ROBO2: variants seen among roughly 807,000 people sequenced by gnomAD.
The protein encoded by ROBO2 is roundabout homolog 2.
Under a neutral mutation model 160.8 loss-of-function variants are expected in ROBO2, and 53 were observed. The ratio of observed to expected loss-of-function variants is 0.33; its 90% CI spans 0.26 to 0.41. ROBO2 has a LOEUF of 0.41. Ranked by LOEUF, ROBO2 falls within the 10% of genes least tolerant of loss-of-function variation. ROBO2 has a pLI of 1.00. For synonymous variants in ROBO2, 664 were observed against 611.7 expected (o/e 1.09, Z -1.26); for missense variants, 1,577 against 1,722.4 (o/e 0.92, Z 1.49).
At chr3:76,537,793 TA>T (rs1293323758) in intron 2 of ROBO2, among the ~76,000 whole-genome samples, 1 of 151,738 alleles carries the variant, frequency 6.6e-6, no homozygotes, top group South Asian at 2.1e-4. Flanking sequence ...CAAAGGGAGA[TA>T]GGGGAGGGGC....
chr3:77,271,819 T>C (rs977234674), intron 2 of ROBO2, among the ~76,000 whole-genome samples: 13 of 152,220 alleles, frequency 8.5e-5, no homozygotes, highest in African/African-American at 3.1e-4. Context: ...TGTAGTTTCA[T>C]CATTTCAAGG....
chr3:76,579,048 T>C (rs2085486936), intron 2 of ROBO2, among the ~76,000 whole-genome samples: 1 of 152,168 alleles, frequency 6.6e-6, no homozygotes, highest in African/African-American at 2.4e-5. Context: ...GCACTATTCT[T>C]CCCACCTTAC....
chr3:75,973,892 G>A (rs1311858722), intron 2 of ROBO2, among the ~76,000 whole-genome samples: 1 of 151,256 alleles, frequency 6.6e-6, no homozygotes, highest in Non-Finnish European at 1.5e-5. Flanking sequence ...CCCAGGGTTA[G>A]AAAAAAATCA....
intron 2 of ROBO2, among the ~76,000 whole-genome samples, chr3:75,942,350 T>C (rs867572807): frequency 6.6e-5 from 10 of 152,250 alleles, no homozygotes; most frequent in African/African-American, 2.4e-4. Flanking sequence ...ATATTGAATG[T>C]GTATTCCAAG....
At chr3:76,855,041 C>A (rs962309052) in intron 2 of ROBO2, among the ~76,000 whole-genome samples, 16 of 152,144 alleles carry the variant, frequency 1.1e-4, no homozygotes, top group African/African-American at 3.4e-4. Flanking sequence ...AGCATTCCAA[C>A]CCTGGTAGTA....
chr3:75,979,435 G>C (rs1055187108), intron 2 of ROBO2, among the ~76,000 whole-genome samples: 2 of 151,494 alleles, frequency 1.3e-5, no homozygotes, highest in African/African-American at 2.4e-5. Flanking sequence ...ATCAGCCCAA[G>C]TGGATAGTGT....
At chr3:77,216,962 A>G (rs567555011) in intron 2 of ROBO2, among the ~76,000 whole-genome samples, 50 of 152,298 alleles carry the variant, frequency 3.3e-4, no homozygotes, top group African/African-American at 1.1e-3. Flanking sequence ...CAACCTGAAA[A>G]TGTAAAGATC....
chr3:76,578,576 G>T (rs1326835519), intron 2 of ROBO2, among the ~76,000 whole-genome samples: 1 of 151,972 alleles, frequency 6.6e-6, no homozygotes, highest in Non-Finnish European at 1.5e-5. Context: ...CACATAGTTG[G>T]TGTTCTGTCT....
chr3:76,697,647 A>T (rs983731467), intron 2 of ROBO2, among the ~76,000 whole-genome samples: 1 of 150,844 alleles, frequency 6.6e-6, no homozygotes, highest in African/African-American at 2.4e-5. Context: ...CCCTGTCTCA[A>T]AAAAGAACAA....
chr3:76,143,531 A>G (rs1397312951), intron 2 of ROBO2, among the ~76,000 whole-genome samples: 1 of 152,096 alleles, frequency 6.6e-6, no homozygotes, highest in Admixed American at 6.6e-5. Flanking sequence ...AGATCATGCC[A>G]TGAACTAGCA....
chr3:76,921,472 C>T (rs1036495563), intron 2 of ROBO2, among the ~76,000 whole-genome samples: 5 of 151,970 alleles, frequency 3.3e-5, no homozygotes, highest in Admixed American at 6.6e-5. Flanking sequence ...ATTAGCTGGG[C>T]GTGGTGACGC....
rs145505938 is a variant in ROBO2, at chr3:77,069,194, G to A, written c.61+28348G>A. 3.1e-3 allele frequency among the ~76,000 whole-genome samples: 470 copies of A among 152,206 alleles called. 8 individuals carry two copies. The highest frequency in any genetic ancestry group is 0.027 in the Admixed American group (420 of 15,274). ...ACGTGTGCTTAATGTGTGCTCTCAGGCAGTATGCAAAAATGCTAAATTTTA... is the reference window on the plus strand; with the variant it reads ...ACGTGTGCTTAATGTGTGCTCTCAGACAGTATGCAAAAATGCTAAATTTTA... On this transcript the variant is annotated intron_variant, in intron 1 of 25. Transcript: ENST00000461745.
chr3:76,546,446 A>T (rs1003780637), intron 2 of ROBO2, among the ~76,000 whole-genome samples: 2 of 151,876 alleles, frequency 1.3e-5, no homozygotes, highest in African/African-American at 4.8e-5. Context: ...AAGAGAAATT[A>T]AGATTATAAA....
intron 2 of ROBO2, among the ~76,000 whole-genome samples, chr3:76,410,742 T>C (rs1344946984): frequency 6.6e-6 from 1 of 152,224 alleles, no homozygotes; most frequent in African/African-American, 2.4e-5. Flanking sequence ...AGCTCTAAGA[T>C]ATATGAGAAT....
chr3:76,278,075 T>C (rs777544970), intron 2 of ROBO2, among the ~76,000 whole-genome samples: 1 of 151,932 alleles, frequency 6.6e-6, no homozygotes, highest in Non-Finnish European at 1.5e-5. Context: ...TGAAATGCAA[T>C]ATTGTCAGGC....
intron 2 of ROBO2, among the ~76,000 whole-genome samples, chr3:76,087,630 GTTATT>G (rs1163030882): frequency 1.3e-5 from 2 of 151,878 alleles, no homozygotes; most frequent in African/African-American, 4.8e-5. Context: ...TTTTATTTTT[GTTATT>G]TTAATTTATC....
At chr3:77,301,586 T>C (rs930217426) in intron 2 of ROBO2, among the ~76,000 whole-genome samples, 1 of 152,246 alleles carries the variant, frequency 6.6e-6, no homozygotes, top group Non-Finnish European at 1.5e-5. Context: ...GGTGTGGATA[T>C]CTAAATTCGC....
chr3:76,013,568 G>A (rs2066280222), intron 2 of ROBO2, among the ~76,000 whole-genome samples: 1 of 151,416 alleles, frequency 6.6e-6, no homozygotes, highest in Non-Finnish European at 1.5e-5. Context: ...AAAGGCAATT[G>A]GCGACTGGGC....
chr3:77,256,014 A>G (rs2058387684), intron 2 of ROBO2, among the ~76,000 whole-genome samples: 1 of 152,184 alleles, frequency 6.6e-6, no homozygotes, highest in African/African-American at 2.4e-5. Context: ...AATGTGTTTG[A>G]TTCCAAAATG....
Sources: gnomAD v4.1 joint callset for allele counts (sites outside exome capture counted in the v4.1 genomes callset) on GRCh38, gnomAD v4.1.1 for gene constraint, MANE v1.5 for transcripts, NCBI Gene and HGNC (gene_info 2026-07-23, HGNC 2026-07-21) for gene names.